Variants in XK observed in about 807,000 individuals in gnomAD.
XK encodes the protein X-linked Kx blood group antigen, Kell and VPS13A binding protein, also known as endoplasmic reticulum membrane adapter protein XK.
A neutral mutation model predicts 14.0 loss-of-function variants in XK; 2 were observed. The ratio of observed to expected loss-of-function variants is 0.14; its 90% CI spans 0.06 to 0.45. The LOEUF is 0.45. Among genes scored for constraint, XK ranks in the 20% least tolerant of loss-of-function variants. The probability of loss-of-function intolerance (pLI) is 0.98; values close to 1 mark genes in which losing one functional copy is unlikely to be tolerated. For synonymous variants in XK, 149 were observed against 147.5 expected (o/e 1.01, Z -0.08); for missense variants, 235 against 341.5 (o/e 0.69, Z 2.46).
At chrX:37,696,074 T>C (rs1406003046) in intron 2 of XK, among the ~76,000 whole-genome samples, 1 of 112,076 alleles carries the variant, frequency 8.9e-6, no homozygotes, top group Non-Finnish European at 1.9e-5. Flanking sequence ...CAAGTTTTTT[T>C]AGTGAAGATT....
chrX:37,718,803 A>G (rs1201608451), intron 2 of XK, among the ~76,000 whole-genome samples: 10 of 111,405 alleles, frequency 9.0e-5, no homozygotes, highest in African/African-American at 3.3e-4. Flanking sequence ...TGACTAATGA[A>G]CTAATTTTCT....
rs781941108 is a variant in XK at position 37,688,721 on chromosome X, A to G, written c.245+2515A>G. On this transcript the variant is annotated intron_variant, in intron 1 of 2. Transcript: ENST00000378616. ...GCAATCCAATAAATGATAATACCCT[A>G]TCATTGCTGCCATTTAAAGTGTTTC... Among the ~76,000 whole-genome samples, 12 of 111,826 alleles carry G rather than the reference A, an allele frequency of 1.1e-4. No individual in the cohort carries two copies. In the South Asian group the frequency reaches 3.7e-3, roughly 35 times the overall value.
intron 1 of XK, 94 bp from the exon 2 acceptor site, chrX:37,694,192 G>A (rs1927261526): frequency 8.9e-7 from 1 of 1,120,928 alleles, no homozygotes; most frequent in South Asian, 1.9e-5. Context: ...CCAAGTCAAG[G>A]CTTTAAGAAT....
In XK at chrX:37,728,915, A is replaced by C; in HGVS notation, c.*453A>C. 7.9e-6 allele frequency: 1 copy of C among 126,527 alleles called. No homozygotes were observed. Among genetic ancestry groups the C allele is most frequent in the Admixed American group, 7.8e-5 (1 of 12,875 alleles). 10.4% of individuals were successfully genotyped at this position (126,527 alleles called of 1,213,427 possible). ...CAAAAAAGATTACTAGGGTTTTGCC[A>C]TCAGCAACATCATTCCTGTCAGAGC... On this transcript the variant is annotated 3_prime_UTR_variant, in exon 3 of 3. Coordinates refer to ENST00000378616, the MANE Select transcript of XK (RefSeq NM_021083.4).
At chrX:37,687,462 A>AT (rs1297993871) in intron 1 of XK, among the ~76,000 whole-genome samples, 103 of 106,175 alleles carry the variant, frequency 9.7e-4, no homozygotes, top group African/African-American at 3.4e-3. Flanking sequence ...TTTTTTTTGT[A>AT]TTTTTTGTAG....
chrX:37,715,315 A>C (rs1927746863), intron 2 of XK, among the ~76,000 whole-genome samples: 1 of 111,679 alleles, frequency 9.0e-6, no homozygotes, highest in Admixed American at 9.5e-5. Context: ...CATGATTTAT[A>C]ACTTTGCTGC....
chrX:37,715,619 A>G (rs782404770), intron 2 of XK, among the ~76,000 whole-genome samples: 1 of 111,818 alleles, frequency 8.9e-6, no homozygotes, highest in South Asian at 3.7e-4. Flanking sequence ...TAACTTGTAT[A>G]TATCTGATAG....
intron 2 of XK, among the ~76,000 whole-genome samples, chrX:37,714,273 A>T (rs1882622206): frequency 9.0e-6 from 1 of 111,649 alleles, no homozygotes; most frequent in Non-Finnish European, 1.9e-5. Context: ...TCAGTATTCA[A>T]AAGACACTTC....
Position 37,727,763 on chromosome X carries a change from C to T in XK, c.636C>T (p.Phe212=), listed in dbSNP as rs782779442. The T allele has an allele frequency of 1.1e-5, 13 of 1,209,318 alleles. No homozygotes were observed. The South Asian group carries it at 1.4e-4, about 13-fold the overall frequency. Reference sequence around the variant, plus strand: ...AGCCTCTGGCCTATGTCTGTATCTTCCTGTGGAGGAGCTTTGAGATTGCCA... The same window carrying T: ...AGCCTCTGGCCTATGTCTGTATCTTTCTGTGGAGGAGCTTTGAGATTGCCA... ...KVKPLAYVCI[F]LWRSFEIATR... Residue 212 remains phenylalanine (F), a synonymous_variant, in exon 3 of 3, where the codon TTC becomes TTT. Coordinates refer to ENST00000378616, the MANE Select transcript of XK (RefSeq NM_021083.4).
intron 1 of XK, among the ~76,000 whole-genome samples, chrX:37,686,847 A>G (rs1247325040): frequency 2.7e-5 from 3 of 111,895 alleles, no homozygotes; most frequent in Non-Finnish European, 3.8e-5. Flanking sequence ...ACAATGCACC[A>G]TGAAAACAAA....
intron 2 of XK, among the ~76,000 whole-genome samples, chrX:37,721,288 A>T (rs1442572234): frequency 9.0e-6 from 1 of 111,181 alleles, no homozygotes; most frequent in Non-Finnish European, 1.9e-5. Flanking sequence ...TTAACATTTT[A>T]TTCTATAATA....
At chrX:37,689,799 C>T (rs782250050) in intron 1 of XK, among the ~76,000 whole-genome samples, 209 of 111,916 alleles carry the variant, frequency 1.9e-3, no homozygotes, top group African/African-American at 6.3e-3. Context: ...AATCTTATTG[C>T]GCATTATAAT....
chrX:37,698,974 A>G (rs944953025), intron 2 of XK, among the ~76,000 whole-genome samples: 4 of 112,411 alleles, frequency 3.6e-5, no homozygotes, highest in African/African-American at 1.3e-4. Context: ...CCAGGATTTC[A>G]AGCTTTATTC....
At chrX:37,727,593 TA>T in intron 2 of XK, 42 bp from the exon 3 acceptor site, 1 of 1,111,035 alleles carries the variant, frequency 9.0e-7, no homozygotes. Flanking sequence ...GTAGGATTCC[TA>T]GTGGAGGTGA....
chrX:37,715,104 G>GTA (rs1182651525), intron 2 of XK, among the ~76,000 whole-genome samples: 12 of 108,629 alleles, frequency 1.1e-4, no homozygotes, highest in Non-Finnish European at 1.9e-4. Flanking sequence ...GTGTGTGTGT[G>GTA]TATATATATA....
intron 2 of XK, among the ~76,000 whole-genome samples, chrX:37,712,295 T>TC (rs1927681108): frequency 8.9e-6 from 1 of 112,281 alleles, no homozygotes; most frequent in Non-Finnish European, 1.9e-5. Flanking sequence ...CCTTACTTAA[T>TC]TTTTTGCTGT....
Position 37,698,587 on chromosome X carries a change from T to C in XK, c.508+4039T>C, listed in dbSNP as rs372336555. On this transcript the variant is annotated intron_variant, in intron 2 of 2. Coordinates refer to ENST00000378616, the MANE Select transcript of XK (RefSeq NM_021083.4). ...AAAAAAAAGAGGAGGAAAATTGTACTTATAGTCAGATAGAGGAGCCAGAAT... is the reference window on the plus strand; with the variant it reads ...AAAAAAAAGAGGAGGAAAATTGTACCTATAGTCAGATAGAGGAGCCAGAAT... 1.2e-3 allele frequency among the ~76,000 whole-genome samples: 127 copies of C among 104,068 alleles called. 2 individuals are homozygous for C. The South Asian group carries it at 0.057, about 47-fold the overall frequency. 90.4% of individuals were successfully genotyped at this position (104,068 alleles called of 115,157 possible).
chrX:37,708,110 G>A (rs1556445827), intron 2 of XK, among the ~76,000 whole-genome samples: 1 of 112,339 alleles, frequency 8.9e-6, no homozygotes, highest in East Asian at 2.8e-4. Context: ...GCAGGCTGAG[G>A]CAGTAGAATC....
rs1927057413 is a variant in XK at position 37,685,988 on chromosome X, G to A, written c.27G>A (p.Ala9=). 8.3e-7 allele frequency: 1 copy of A among 1,207,709 alleles called. No homozygotes were observed. MKFPASVL[A]SVFLFVAETT... ...TGAAATTCCCGGCCTCGGTGCTGGC[G>A]TCCGTGTTCCTGTTCGTGGCCGAGA... The change falls in exon 1 of 3, where the codon GCG becomes GCA. Residue 9 remains alanine (A), a synonymous_variant. Transcript: ENST00000378616.
Sources: gnomAD v4.1 joint callset for allele counts (sites outside exome capture counted in the v4.1 genomes callset) on GRCh38, gnomAD v4.1.1 for gene constraint, MANE v1.5 for transcripts, NCBI Gene and HGNC (gene_info 2026-07-23, HGNC 2026-07-21) for gene names.